Variants in RBFOX3 observed in about 807,000 individuals in gnomAD.
The protein encoded by RBFOX3 is RNA binding protein fox-1 homolog 3.
In RBFOX3, 17 loss-of-function variants were observed where a neutral mutation model predicts 48.7. That is an observed-to-expected ratio of 0.35 (90% CI 0.24 to 0.52). The LOEUF (loss-of-function observed/expected upper bound fraction) is 0.52. RBFOX3 is among the 20% of genes least tolerant of loss of function. The pLI, the probability that RBFOX3 is intolerant of heterozygous loss-of-function variation, is 0.94. For missense variants in RBFOX3, 382 were observed against 497.5 expected, an observed-to-expected ratio of 0.77 and a Z score of 2.21; for synonymous variants, 212 against 209.5, an observed-to-expected ratio of 1.01 and a Z score of -0.10.
At chr17:79,664,384 C>T in the RBFOX3 span, among the ~76,000 whole-genome samples, 10,052 of 149,658 alleles carry the variant, frequency 0.067, 760 homozygotes, top group East Asian at 0.38. Context: ...CTCGCTCTGT[C>T]GCCCAGGCTG....
chr17:79,558,536 C>G (rs1377476158), intron 1 of RBFOX3, among the ~76,000 whole-genome samples: 3 of 152,080 alleles, frequency 2.0e-5, no homozygotes, highest in Non-Finnish European at 4.4e-5. Context: ...AGGAGGGAGG[C>G]AAGACCACAG....
intron 4 of RBFOX3, among the ~76,000 whole-genome samples, chr17:79,197,011 G>C (rs144985959): frequency 6.6e-6 from 1 of 152,300 alleles, no homozygotes; most frequent in East Asian, 1.9e-4. Context: ...CTGCTAACAG[G>C]GAAGTAGTAG....
At chr17:79,138,918 A>ACG (rs1202721719) in intron 4 of RBFOX3, among the ~76,000 whole-genome samples, 6 of 56,810 alleles carry the variant, frequency 1.1e-4, no homozygotes, top group Non-Finnish European at 2.0e-4. Flanking sequence ...TCACCCGCAC[A>ACG]CGCACACAGC....
intron 4 of RBFOX3, among the ~76,000 whole-genome samples, chr17:79,135,423 C>G (rs533384971): frequency 6.6e-6 from 1 of 152,328 alleles, no homozygotes; most frequent in East Asian, 1.9e-4. Context: ...AGCCATACCC[C>G]ACCTTTGGAG....
intron 2 of RBFOX3, among the ~76,000 whole-genome samples, chr17:79,412,614 TTA>T (rs1204634700): frequency 2.0e-5 from 3 of 150,610 alleles, no homozygotes; most frequent in Admixed American, 1.3e-4. Flanking sequence ...AGGCATGGTG[TTA>T]TGTGTGTGTG....
rs1388249440 is a variant in RBFOX3, at chr17:79,204,302, CGCCGGGGAGCGGGTACACACCAGCGGGT to C, written c.-34+31436_-34+31463del. On this transcript the variant is annotated intron_variant, in intron 4 of 14. Transcript: ENST00000693108. This position sits in a 1 kb window ranked among gnomAD's most constrained non-coding sequence, Gnocchi z 4.5. The stretch of plus-strand genomic sequence containing the variant: ...CGGGGAGCGGACACACACCAGCGGG[CGCCGGGGAGCGGGTACACACCAGCGGGT>C]GCCGGGGAGCAGGGGGCGTAGGTGG... 6.6e-6 allele frequency among the ~76,000 whole-genome samples: 1 copy of C among 151,814 alleles called. No individual in the cohort carries two copies. The highest frequency in any genetic ancestry group is 1.5e-5 in the Non-Finnish European group (1 of 67,970).
chr17:79,163,415 G>A (rs2047364180), intron 4 of RBFOX3, among the ~76,000 whole-genome samples: 1 of 152,260 alleles, frequency 6.6e-6, no homozygotes, highest in Non-Finnish European at 1.5e-5. Context: ...TCTTCAGGCT[G>A]TGGTGGGGCA....
At chr17:79,167,197 G>A (rs2048175898) in intron 4 of RBFOX3, among the ~76,000 whole-genome samples, 1 of 152,212 alleles carries the variant, frequency 6.6e-6, no homozygotes, top group Non-Finnish European at 1.5e-5. Context: ...CTTCCAGACA[G>A]TGCCAGGCAC....
intron 4 of RBFOX3, among the ~76,000 whole-genome samples, chr17:79,210,809 T>G (rs1426763412): frequency 6.6e-6 from 1 of 151,806 alleles, no homozygotes; most frequent in Non-Finnish European, 1.5e-5. Context: ...CCAAACACAA[T>G]GAGGGTGCCG....
chr17:79,618,078 T>C, the RBFOX3 span, among the ~76,000 whole-genome samples: 1 of 152,142 alleles, frequency 6.6e-6, no homozygotes, highest in Non-Finnish European at 1.5e-5. Flanking sequence ...TCCTCCCACG[T>C]GGATGGGAAA....
chr17:79,408,654 A>C (rs1266774648), intron 2 of RBFOX3, among the ~76,000 whole-genome samples: 1 of 152,226 alleles, frequency 6.6e-6, no homozygotes, highest in Admixed American at 6.5e-5. Flanking sequence ...CAGAGTCTTA[A>C]AATGCATTTA....
rs542645662 is a variant in RBFOX3, at chr17:79,299,136, T to C, written c.-74+8588A>G. Among the ~76,000 whole-genome samples the C allele has an allele frequency of 7.2e-5, 9 of 124,734 alleles. No individual in the cohort carries two copies. In the East Asian group the frequency reaches 2.0e-3, roughly 27 times the overall value. The allele number at this position is 124,734 out of a possible 152,430, so 81.8% of individuals were successfully genotyped here. A position where few individuals can be genotyped will look rare whatever the true frequency, so the allele number is the denominator to read the frequency against. On this transcript the variant is annotated intron_variant, in intron 3 of 14. Coordinates refer to ENST00000693108, the MANE Select transcript of RBFOX3 (RefSeq NM_001350451.2). The surrounding 1 kb of genome is among the most constrained non-coding windows in gnomAD (Gnocchi z 4.5). The stretch of plus-strand genomic sequence containing the variant: ...ATGAACTAATAAATAAGAGGCCAGG[T>C]GTGGTATCTCGGTGCTGGCAAAACA...
At chr17:79,228,935 G>T (rs571447480) in intron 4 of RBFOX3, among the ~76,000 whole-genome samples, 1 of 152,228 alleles carries the variant, frequency 6.6e-6, no homozygotes, top group Non-Finnish European at 1.5e-5. Context: ...TTCTCTCAAA[G>T]GACAGGAGAG....
rs562202672 is a variant in RBFOX3 at position 79,110,699 on chromosome 17, G to C, written c.223-3911C>G. Among the ~76,000 whole-genome samples the C allele has an allele frequency of 1.4e-4, 22 of 152,354 alleles. No individual in the cohort carries two copies. The East Asian group carries it at 4.2e-3, about 29-fold the overall frequency. Reference sequence around the variant, plus strand: ...ATCCACTGGGAGTGTCTGCTTCAGAGCCTGGTGGCACTGGTGGCCCCTCCT... The same window carrying C: ...ATCCACTGGGAGTGTCTGCTTCAGACCCTGGTGGCACTGGTGGCCCCTCCT... On this transcript the variant is annotated intron_variant, in intron 5 of 14. Coordinates refer to ENST00000693108, the MANE Select transcript of RBFOX3 (RefSeq NM_001350451.2).
chr17:79,200,673 T>G (rs1282811460), intron 4 of RBFOX3, among the ~76,000 whole-genome samples: 1 of 152,144 alleles, frequency 6.6e-6, no homozygotes, highest in Non-Finnish European at 1.5e-5. Flanking sequence ...AGGAGAGCTC[T>G]GCTGGGCTGC....
chr17:79,393,501 G>GTCGGCAATCTGCTCCTGC lies in RBFOX3; in HGVS notation c.-174-85695_-174-85678dup, dbSNP rs1360579865. On this transcript the variant is annotated intron_variant, in intron 2 of 14. Transcript: ENST00000693108. Reference sequence around the variant, plus strand: ...TGGCACTGCTGGGAGCTGGCTCCTGGTCGGCAATCTGCTCCTGCTCCTGGC... The same window carrying GTCGGCAATCTGCTCCTGC: ...TGGCACTGCTGGGAGCTGGCTCCTGGTCGGCAATCTGCTCCTGCTCGGCAATCTGCTCCTGCTCCTGGC... 5.9e-5 allele frequency among the ~76,000 whole-genome samples: 9 copies of GTCGGCAATCTGCTCCTGC among 152,390 alleles called. No individual in the cohort carries two copies. The South Asian group carries it at 1.0e-3, about 18-fold the overall frequency.
chr17:79,594,304 G>C (rs1224554987), intron 1 of RBFOX3, among the ~76,000 whole-genome samples: 1 of 152,196 alleles, frequency 6.6e-6, no homozygotes, highest in Non-Finnish European at 1.5e-5. Flanking sequence ...TGCATATGGA[G>C]CTGTGGAGAC....
intron 1 of RBFOX3, among the ~76,000 whole-genome samples, chr17:79,488,555 G>A (rs1404064623): frequency 6.6e-6 from 1 of 152,218 alleles, no homozygotes; most frequent in Non-Finnish European, 1.5e-5. Flanking sequence ...AAAGCTTGGA[G>A]CAGGACCCGC....
chr17:79,171,805 C>T (rs186529291), intron 4 of RBFOX3, among the ~76,000 whole-genome samples: 32 of 151,500 alleles, frequency 2.1e-4, no homozygotes, highest in Middle Eastern at 3.4e-3. Context: ...GCTGGGATGA[C>T]GGGTGTGAGC....
Sources: gnomAD v4.1 joint callset for allele counts (sites outside exome capture counted in the v4.1 genomes callset) on GRCh38, gnomAD v4.1.1 for gene constraint, Gnocchi (gnomAD v3.1) non-coding constraint, MANE v1.5 for transcripts, NCBI Gene and HGNC (gene_info 2026-07-23, HGNC 2026-07-21) for gene names.